PMS1: variants seen among roughly 807,000 people sequenced by gnomAD.
PMS1 encodes the protein PMS1 homolog 1, mismatch repair system component, also known as PMS1 protein homolog 1.
Under a neutral mutation model 93.1 loss-of-function variants are expected in PMS1, and 79 were observed. The observed-to-expected ratio is 0.85, with a 90% CI of 0.71 to 1.02. The LOEUF is 1.02. Among genes scored for constraint, PMS1 ranks in the 50% least tolerant of loss-of-function variants. The pLI, the probability that PMS1 is intolerant of heterozygous loss-of-function variation, is 0.00. For synonymous variants in PMS1, 335 were observed against 363.4 expected, an observed-to-expected ratio of 0.92 and a Z score of 0.89; for missense variants, 1,064 against 1,085.3, an observed-to-expected ratio of 0.98 and a Z score of 0.28.
chr2:189,801,889 A>T (rs915225046), intron 3 of PMS1, among the ~76,000 whole-genome samples: 2 of 152,218 alleles, frequency 1.3e-5, no homozygotes, highest in Admixed American at 1.3e-4. Context: ...AGACTTGCTT[A>T]TTCCCCTCTG....
At position 189,854,833 on chromosome 2, in the gene PMS1, GA is replaced by G. The variant is rs1176438524; in HGVS notation, c.1567del (p.Ser523ValfsTer6). 6.2e-7 allele frequency: 1 copy of G among 1,612,032 alleles called. No homozygotes were observed. Among genetic ancestry groups the G allele is most frequent in the Non-Finnish European group, 8.5e-7 (1 of 1,178,342 alleles). On this transcript the variant is annotated frameshift_variant, in exon 9 of 13. Coordinates refer to ENST00000441310, the MANE Select transcript of PMS1 (RefSeq NM_000534.5). LOFTEE classifies it high-confidence loss of function. ...NIEPVKILVP[E>X]KSLPCKVSNN... ...TGAACCTGTGAAAATTTTAGTGCCT[GA>G]AAAAAGTTTACCATGTAAAGTAAGT...
At chr2:189,813,800 A>ATTT (rs2051043623) in intron 4 of PMS1, among the ~76,000 whole-genome samples, 1 of 152,238 alleles carries the variant, frequency 6.6e-6, no homozygotes, top group African/African-American at 2.4e-5. Context: ...TTCATGTGTT[A>ATTT]CACGGGACTG....
chr2:189,874,597 C>T (rs2057407865), intron 12 of PMS1, among the ~76,000 whole-genome samples: 1 of 152,166 alleles, frequency 6.6e-6, no homozygotes, highest in South Asian at 2.1e-4. Flanking sequence ...CAAACCTGAA[C>T]TCTAATGAAG....
At position 189,832,401 on chromosome 2, in the gene PMS1, A is replaced by G. The variant is rs1346667688; in HGVS notation, c.583-11563A>G. On this transcript the variant is annotated intron_variant, in intron 5 of 12. Coordinates refer to ENST00000441310, the MANE Select transcript of PMS1 (RefSeq NM_000534.5). Reference sequence around the variant, plus strand: ...CCTTTTCTGTAAAGTCAAATATGTTAGAAATGAGCAATTGCCTCAGGGTTC... The same window carrying G: ...CCTTTTCTGTAAAGTCAAATATGTTGGAAATGAGCAATTGCCTCAGGGTTC... Among the ~76,000 whole-genome samples, 6 of 152,332 alleles carry G rather than the reference A, an allele frequency of 3.9e-5. No homozygotes were observed. The East Asian group carries it at 7.7e-4, about 20-fold the overall frequency.
intron 5 of PMS1, among the ~76,000 whole-genome samples, chr2:189,819,050 C>G (rs1234825565): frequency 6.6e-6 from 1 of 152,212 alleles, no homozygotes; most frequent in East Asian, 1.9e-4. Flanking sequence ...CCACCCTCCT[C>G]CCTCTCTACC....
At chr2:189,855,602 G>A (rs1453830518) in intron 9 of PMS1, among the ~76,000 whole-genome samples, 3 of 151,652 alleles carry the variant, frequency 2.0e-5, no homozygotes, top group Non-Finnish European at 4.4e-5. Context: ...TGTATTATTG[G>A]CGATTCAATT....
chr2:189,852,817 A>C, intron 7 of PMS1, 40 bp downstream of exon 7: 1 of 1,318,098 alleles, frequency 7.6e-7, no homozygotes. Flanking sequence ...TGAATTGGAA[A>C]TTTGTCACAT....
chr2:189,791,581 C>A, intron 1 of PMS1: 1 of 436,782 alleles, frequency 2.3e-6, no homozygotes, highest in Non-Finnish European at 4.3e-6. Context: ...CACGCCACTG[C>A]ACTCCAGCCT....
At chr2:189,812,250 G>A (rs374398401) in intron 4 of PMS1, among the ~76,000 whole-genome samples, 2 of 152,286 alleles carry the variant, frequency 1.3e-5, no homozygotes, top group Admixed American at 6.5e-5. Flanking sequence ...GCAGTTAGCC[G>A]AGATCACGCC....
intron 4 of PMS1, chr2:189,806,873 T>G (rs907310626): frequency 4.7e-6 from 1 of 213,466 alleles, no homozygotes. Context: ...AATTATTAGA[T>G]CTGAAAAGGG....
At chr2:189,837,769 A>C (rs908017528) in intron 5 of PMS1, among the ~76,000 whole-genome samples, 3 of 152,248 alleles carry the variant, frequency 2.0e-5, no homozygotes, top group Non-Finnish European at 4.4e-5. Context: ...TAATAGCCAA[A>C]AAGTAGAAAC....
intron 5 of PMS1, among the ~76,000 whole-genome samples, chr2:189,838,941 A>G (rs575416591): frequency 2.0e-5 from 3 of 152,240 alleles, no homozygotes; most frequent in Non-Finnish European, 4.4e-5. Flanking sequence ...TCAGTTTTGC[A>G]TGTCTTTCGT....
chr2:189,826,556 A>AAT (rs1349880367), intron 5 of PMS1, among the ~76,000 whole-genome samples: 1 of 151,966 alleles, frequency 6.6e-6, no homozygotes, highest in Non-Finnish European at 1.5e-5. Context: ...AATTTTGTGA[A>AAT]ATATAGAAAA....
At chr2:189,821,147 G>A (rs2051819345) in intron 5 of PMS1, among the ~76,000 whole-genome samples, 2 of 152,118 alleles carry the variant, frequency 1.3e-5, no homozygotes, top group South Asian at 2.1e-4. Flanking sequence ...AAGAGAAATA[G>A]GAATTATATA....
intron 10 of PMS1, among the ~76,000 whole-genome samples, chr2:189,865,104 C>T (rs1020917006): frequency 6.6e-6 from 1 of 152,006 alleles, no homozygotes; most frequent in Non-Finnish European, 1.5e-5. Context: ...GCTGTTTTCT[C>T]AACTAAACAC....
Position 189,854,593 on chromosome 2 carries a change from A to G in PMS1, c.1321A>G (p.Met441Val), listed in dbSNP as rs759938479. 5.5e-5 allele frequency: 89 copies of G among 1,613,520 alleles called. 1 individual carries two copies. The South Asian group carries it at 8.1e-4, about 15-fold the overall frequency. Residue 441 changes from methionine to valine, a missense_variant, in exon 9 of 13, where the codon ATG (methionine) becomes GTG (valine). Transcript: ENST00000441310. ...TAAGAATGCATTTCAGGACATTTCAATGAGTAATGTATCATGGGAGAACTC... is the reference window on the plus strand; with the variant it reads ...TAAGAATGCATTTCAGGACATTTCAGTGAGTAATGTATCATGGGAGAACTC... ...NTKNAFQDIS[M>V]SNVSWENSQT...
intron 9 of PMS1, among the ~76,000 whole-genome samples, chr2:189,855,522 G>A (rs2055222142): frequency 6.6e-6 from 1 of 151,588 alleles, no homozygotes; most frequent in African/African-American, 2.4e-5. Context: ...TGTAACTGGT[G>A]TTTTTAATAT....
intron 6 of PMS1, among the ~76,000 whole-genome samples, chr2:189,844,685 A>G (rs1447907191): frequency 6.8e-6 from 1 of 146,774 alleles, no homozygotes; most frequent in Non-Finnish European, 1.5e-5. Context: ...CACCTTTCCC[A>G]TTCCAAATAT....
At chr2:189,809,797 A>C (rs997994320) in intron 4 of PMS1, among the ~76,000 whole-genome samples, 5 of 152,082 alleles carry the variant, frequency 3.3e-5, no homozygotes, top group Non-Finnish European at 7.4e-5. Context: ...GTGCCATTGC[A>C]CTCCAGCCTG....
Sources: gnomAD v4.1 joint callset for allele counts (sites outside exome capture counted in the v4.1 genomes callset) on GRCh38, gnomAD v4.1.1 for gene constraint, MANE v1.5 for transcripts, NCBI Gene and HGNC (gene_info 2026-07-23, HGNC 2026-07-21) for gene names.